CNTN6: variants seen among roughly 807,000 people sequenced by gnomAD.
CNTN6 encodes the protein contactin 6.
A neutral mutation model predicts 122.8 loss-of-function variants in CNTN6; 137 were observed. That is an observed-to-expected ratio of 1.12 (90% CI 0.97 to 1.29). The LOEUF is 1.29. CNTN6 is among the 50% of genes most tolerant of loss of function. CNTN6 has a pLI of 0.00. For missense variants in CNTN6, 1,634 were observed against 1,223.4 expected, an observed-to-expected ratio of 1.34 and a Z score of -5.01; for synonymous variants, 570 against 426.0, an observed-to-expected ratio of 1.34 and a Z score of -4.16.
intron 1 of CNTN6, among the ~76,000 whole-genome samples, chr3:1,102,682 G>T (rs6798502): frequency 4.7e-5 from 7 of 148,420 alleles, no homozygotes; most frequent in African/African-American, 7.4e-5. Context: ...GAGCAGAGAT[G>T]GCGCCACCGC....
rs1165273154 is a variant in CNTN6, at chr3:1,220,708, C to G, written c.77C>G (p.Pro26Arg). ...SSAGDGLLSR[P>R]IFTQEPHDVI... ...CCAGGTGATGGTCTTTTAAGCCGTC[C>G]TATTTTTACTCAGGAGCCACATGAT... The change falls in exon 3 of 23, where the codon CCT (proline) becomes CGT (arginine). Residue 26 changes from proline to arginine, a missense_variant. Physicochemically the swap from Pro to Arg is moderately radical, Grantham distance 103. Transcript: ENST00000446702. 2 of 1,611,228 alleles carry G rather than the reference C, an allele frequency of 1.2e-6. No homozygotes were observed. Among genetic ancestry groups the G allele is most frequent in the Non-Finnish European group, 1.7e-6 (2 of 1,178,804 alleles).
At chr3:1,262,737 G>T (rs1331981095) in intron 4 of CNTN6, among the ~76,000 whole-genome samples, 3 of 152,032 alleles carry the variant, frequency 2.0e-5, no homozygotes, top group Admixed American at 2.0e-4. Flanking sequence ...AACCAGTTCA[G>T]TGACCTTTTG....
In CNTN6 at chr3:1,323,748, G is replaced by A. The variant is rs1436538253; in HGVS notation, c.946+1914G>A. On this transcript the variant is annotated intron_variant, in intron 8 of 22. Transcript: ENST00000446702. ...GTGGCTTTTCATAACCAGTCAATAT[G>A]GCAGAAAAAAATCTAAAACTCAAAC... is the stretch of plus-strand genomic sequence containing the variant. Among the ~76,000 whole-genome samples, 4 of 151,610 alleles carry A rather than the reference G, an allele frequency of 2.6e-5. No homozygotes were observed. In the East Asian group the frequency reaches 5.9e-4, roughly 22 times the overall value.
intron 2 of CNTN6, among the ~76,000 whole-genome samples, chr3:1,201,097 TTTTGTGTGTGTGTGTG>T (rs2093861462): frequency 1.8e-5 from 2 of 112,754 alleles, no homozygotes; most frequent in East Asian, 3.7e-4. Context: ...CCAGCTAACA[TTTTGTGTGTGTGTGTG>T]TGTGTGTGTG....
intron 1 of CNTN6, among the ~76,000 whole-genome samples, chr3:1,094,371 AG>A (rs2090407895): frequency 2.6e-5 from 4 of 152,284 alleles, no homozygotes; most frequent in African/African-American, 9.6e-5. Flanking sequence ...GAAATACAGA[AG>A]CATTTCATCT....
chr3:1,217,965 C>G (rs2125508231), intron 2 of CNTN6, among the ~76,000 whole-genome samples: 1 of 152,322 alleles, frequency 6.6e-6, no homozygotes, highest in Non-Finnish European at 1.5e-5. Context: ...ATCCTCTTCC[C>G]CTTCCCTTTC....
At chr3:1,112,379 G>A (rs1271941988) in intron 1 of CNTN6, among the ~76,000 whole-genome samples, 1 of 152,128 alleles carries the variant, frequency 6.6e-6, no homozygotes, top group African/African-American at 2.4e-5. Context: ...TGGGATGCTG[G>A]TAGCCTGGCT....
intron 20 of CNTN6, among the ~76,000 whole-genome samples, chr3:1,386,617 G>A (rs1468964805): frequency 6.6e-6 from 1 of 151,972 alleles, no homozygotes; most frequent in Non-Finnish European, 1.5e-5. Context: ...TGATTTTTTT[G>A]TGGTTGAATA....
At chr3:1,226,093 C>T (rs570159669) in intron 3 of CNTN6, among the ~76,000 whole-genome samples, 7 of 152,038 alleles carry the variant, frequency 4.6e-5, no homozygotes, top group Non-Finnish European at 1.0e-4. Context: ...TGCCCAGGCT[C>T]GTCTCAAACT....
intron 1 of CNTN6, among the ~76,000 whole-genome samples, chr3:1,110,999 T>G (rs1181337677): frequency 6.6e-6 from 1 of 152,176 alleles, no homozygotes; most frequent in East Asian, 1.9e-4. Context: ...ACACTTTGAT[T>G]TCACTGGCCT....
Position 1,401,437 on chromosome 3 carries a change from A to G in CNTN6, c.2709A>G (p.Pro903=). The change falls in exon 21 of 23, where the codon CCA becomes CCG. Residue 903 remains proline, a synonymous_variant. Transcript: ENST00000446702. ...TCTTTGATTATCTCTTTAAAGCTCC[A>G]AGCCAACCACCAGCAAACATTGCCT... ...PVNVTTKKSP[P]SQPPANIAWK... is the part of the protein sequence containing the mutation. The G allele has an allele frequency of 6.2e-7, 1 of 1,611,532 alleles. No homozygotes were observed. The highest frequency in any genetic ancestry group is 8.5e-7 in the Non-Finnish European group (1 of 1,178,234).
At chr3:1,173,250 T>C (rs772162424) in intron 2 of CNTN6, 2 of 456,718 alleles carry the variant, frequency 4.4e-6, no homozygotes, top group South Asian at 3.1e-5. Context: ...ACTTCGTCTC[T>C]GGCTTCTTCA....
intron 7 of CNTN6, among the ~76,000 whole-genome samples, chr3:1,307,722 A>G (rs1698585275): frequency 6.6e-6 from 1 of 152,058 alleles, no homozygotes; most frequent in African/African-American, 2.4e-5. Context: ...TGTCCCTGAC[A>G]GTTTTGAGGG....
At chr3:1,169,703 A>G (rs1017452564) in intron 2 of CNTN6, among the ~76,000 whole-genome samples, 1 of 152,174 alleles carries the variant, frequency 6.6e-6, no homozygotes, top group African/African-American at 2.4e-5. Flanking sequence ...GCCTTTAAAC[A>G]TTTGTGCCAA....
chr3:1,346,119 T>G (rs1378190268), intron 11 of CNTN6, among the ~76,000 whole-genome samples: 1 of 152,132 alleles, frequency 6.6e-6, no homozygotes, highest in African/African-American at 2.4e-5. Flanking sequence ...GGAATCTACA[T>G]GTACAGATCT....
rs905713299 is a variant in CNTN6, at chr3:1,199,329, G to A, written c.56-21358G>A. 5.3e-5 allele frequency among the ~76,000 whole-genome samples: 8 copies of A among 151,988 alleles called. No individual in the cohort carries two copies. The South Asian group carries it at 6.2e-4, about 12-fold the overall frequency. ...CTAGTAGCTGGGACTACAGGTGTATGCCACCATGCCCAGCTAATTTTTGTA... is the reference window on the plus strand; with the variant it reads ...CTAGTAGCTGGGACTACAGGTGTATACCACCATGCCCAGCTAATTTTTGTA... On this transcript the variant is annotated intron_variant, in intron 2 of 22. Transcript: ENST00000446702.
At chr3:1,385,909 T>G in intron 20 of CNTN6, 112 bp downstream of exon 20, 1 of 1,051,730 alleles carries the variant, frequency 9.5e-7, no homozygotes, top group Non-Finnish European at 1.4e-6. Context: ...TTGGTTACTT[T>G]GGTTAGTTGG....
chr3:1,112,782 A>C (rs1418473380), intron 1 of CNTN6, among the ~76,000 whole-genome samples: 1 of 152,144 alleles, frequency 6.6e-6, no homozygotes, highest in Non-Finnish European at 1.5e-5. Flanking sequence ...GTGCATACTG[A>C]AATATAGTGT....
intron 4 of CNTN6, among the ~76,000 whole-genome samples, chr3:1,252,339 G>T (rs1233913065): frequency 6.6e-6 from 1 of 152,186 alleles, no homozygotes; most frequent in Non-Finnish European, 1.5e-5. Context: ...TTTCTGCTTA[G>T]TAGTTACCAG....
Sources: allele counts gnomAD v4.1 joint callset (sites outside exome capture counted in the v4.1 genomes callset), GRCh38; gene constraint gnomAD v4.1.1; transcripts MANE v1.5; gene names NCBI Gene and HGNC (gene_info 2026-07-23, HGNC 2026-07-21).